GABRA6: variants seen among roughly 807,000 people sequenced by gnomAD.
The protein encoded by GABRA6 is gamma-aminobutyric acid type A receptor subunit alpha6, also known as gamma-aminobutyric acid receptor subunit alpha-6.
A neutral mutation model predicts 47.3 loss-of-function variants in GABRA6; 45 were observed. That is an observed-to-expected ratio of 0.95 (90% CI 0.75 to 1.22). The LOEUF (loss-of-function observed/expected upper bound fraction) is 1.22. Among genes scored for constraint, GABRA6 ranks in the 50% most tolerant of loss-of-function variants. The pLI, the probability that GABRA6 is intolerant of heterozygous loss-of-function variation, is 0.00. For synonymous variants in GABRA6, 219 were observed against 194.7 expected (o/e 1.12, Z -1.04); for missense variants, 583 against 549.3 (o/e 1.06, Z -0.61).
At chr5:161,692,298 G>A (rs771228314) in intron 8 of GABRA6, 98 bp downstream of exon 8, 2 of 1,432,876 alleles carry the variant, frequency 1.4e-6, no homozygotes, top group South Asian at 1.2e-5. Context: ...TGTGAGTTGA[G>A]CACAGGTTAT....
chr5:161,689,381 T>C, intron 5 of GABRA6, 45 bp downstream of exon 5: 2 of 1,483,334 alleles, frequency 1.3e-6, no homozygotes, highest in Non-Finnish European at 1.9e-6. Flanking sequence ...ACATCCAAAA[T>C]ATATAATTAC....
Position 161,689,274 on chromosome 5 carries a change from G to C in GABRA6, c.467G>C (p.Cys156Ser), listed in dbSNP as rs778216943. ...TCTAGGCTTACCATCAATGCTGACT[G>C]TCCCATGAGGCTGGTTAACTTTCCT... ...YTMRLTINADCPMRLVNFPMD... is the reference protein window; with the variant it reads ...YTMRLTINADSPMRLVNFPMD... The change falls in exon 5 of 9, where the codon TGT (cysteine) becomes TCT (serine). Residue 156 changes from cysteine to serine, a missense_variant. Coordinates refer to ENST00000274545, the MANE Select transcript of GABRA6 (RefSeq NM_000811.3). 1 of 1,614,030 alleles carries C rather than the reference G, an allele frequency of 6.2e-7. No homozygotes were observed. Among genetic ancestry groups the C allele is most frequent in the South Asian group, 1.1e-5 (1 of 91,080 alleles).
intron 8 of GABRA6, among the ~76,000 whole-genome samples, chr5:161,696,222 C>A (rs889879484): frequency 6.6e-6 from 1 of 152,124 alleles, no homozygotes; most frequent in South Asian, 2.1e-4. Context: ...AAGTTATATA[C>A]CCTTCCTGTG....
chr5:161,687,229 C>T, intron 3 of GABRA6: 1 of 565,008 alleles, frequency 1.8e-6, no homozygotes, highest in South Asian at 1.9e-5. Context: ...AAATTATGTC[C>T]TCTCTTCCAT....
chr5:161,685,913 T>C lies in GABRA6; in HGVS notation c.-77T>C. On this transcript the variant is annotated 5_prime_UTR_variant, in exon 1 of 9. Coordinates refer to ENST00000274545, the MANE Select transcript of GABRA6 (RefSeq NM_000811.3). ...TGAAGGGTTTGAAAGATTTCTCCAG[T>C]TGATTGGCAGAGAAGAGCTGGCTAG... The C allele has an allele frequency of 6.1e-6, 7 of 1,140,670 alleles. No homozygotes were observed. Among genetic ancestry groups the C allele is most frequent in the Non-Finnish European group, 9.4e-6 (7 of 746,628 alleles). 70.7% of individuals were successfully genotyped at this position (1,140,670 alleles called of 1,614,324 possible). A position where few individuals can be genotyped will look rare whatever the true frequency, so the allele number is the denominator to read the frequency against.
chr5:161,689,510 G>C (rs751584840), intron 5 of GABRA6, 126 bp from the exon 6 acceptor site: 5 of 1,100,700 alleles, frequency 4.5e-6, no homozygotes, highest in Admixed American at 4.1e-5. Flanking sequence ...TAGTCACCAA[G>C]ATTAAAGAAA....
intron 8 of GABRA6, among the ~76,000 whole-genome samples, chr5:161,693,192 G>C (rs1415358879): frequency 6.6e-6 from 1 of 152,074 alleles, no homozygotes; most frequent in Non-Finnish European, 1.5e-5. Flanking sequence ...AAGTTTTAAA[G>C]CGATTTGTTT....
At position 161,701,905 on chromosome 5, in the gene GABRA6, TTCC is replaced by T; in HGVS notation, c.*133_*135del. 1 of 996,850 alleles carries T rather than the reference TTCC, an allele frequency of 1.0e-6. No individual in the cohort carries two copies. The highest frequency in any genetic ancestry group is 2.5e-5 in the East Asian group (1 of 39,872). The allele number at this position is 996,850 out of a possible 1,614,324, so 61.8% of individuals were successfully genotyped here. ...TCAAATTGGAAATCTGTAACGCAGC[TTCC>T]GTAAGCATGTGTGGGCAAAAAAGCA... On this transcript the variant is annotated 3_prime_UTR_variant, in exon 9 of 9. Coordinates refer to ENST00000274545, the MANE Select transcript of GABRA6 (RefSeq NM_000811.3).
chr5:161,687,802 T>C (rs576451922), intron 3 of GABRA6, among the ~76,000 whole-genome samples: 12 of 151,064 alleles, frequency 7.9e-5, no homozygotes, highest in Non-Finnish European at 1.6e-4. Context: ...AAAGAAGATG[T>C]AAAGAAAGGA....
At position 161,691,922 on chromosome 5, in the gene GABRA6, C is replaced by G; in HGVS notation, c.827-19C>G. 1.2e-6 allele frequency: 2 copies of G among 1,609,792 alleles called. No individual in the cohort carries two copies. Among genetic ancestry groups the G allele is most frequent in the Non-Finnish European group, 1.7e-6 (2 of 1,176,472 alleles). On this transcript the variant is annotated intron_variant, in intron 7 of 8. Transcript: ENST00000274545. ...ATTCCCAGTACTAATATTACAATTC[C>G]TATTCTTTTTTATTTTAGGGATCAC...
At chr5:161,691,729 G>A (rs981046847) in intron 7 of GABRA6, among the ~76,000 whole-genome samples, 10 of 151,946 alleles carry the variant, frequency 6.6e-5, no homozygotes, top group Admixed American at 2.0e-4. Context: ...TTTTTGAGCA[G>A]TTATAATGTA....
chr5:161,697,531 G>C (rs962685466), intron 8 of GABRA6, among the ~76,000 whole-genome samples: 24 of 152,252 alleles, frequency 1.6e-4, no homozygotes, highest in African/African-American at 5.8e-4. Context: ...TGGGACACTT[G>C]TGACTCTAAG....
chr5:161,698,838 A>G (rs184006662), intron 8 of GABRA6, among the ~76,000 whole-genome samples: 21 of 152,266 alleles, frequency 1.4e-4, no homozygotes, highest in African/African-American at 4.3e-4. Context: ...GGCAAAAGGG[A>G]ATGCTAATGT....
chr5:161,693,669 T>C (rs1331621236), intron 8 of GABRA6, among the ~76,000 whole-genome samples: 1 of 139,956 alleles, frequency 7.1e-6, no homozygotes, highest in Non-Finnish European at 1.6e-5. Flanking sequence ...AAAAAAAAAA[T>C]TGCTCTGTGG....
At chr5:161,689,544 T>A in intron 5 of GABRA6, 92 bp from the exon 6 acceptor site, 1 of 1,216,902 alleles carries the variant, frequency 8.2e-7, no homozygotes, top group Non-Finnish European at 1.2e-6. Context: ...TCTATGTTTG[T>A]ATTTCCTTTT....
At chr5:161,692,222 CA>C (rs1561725624) in intron 8 of GABRA6, 22 bp downstream of exon 8, 1 of 1,614,034 alleles carries the variant, frequency 6.2e-7, no homozygotes, top group Admixed American at 1.7e-5. Flanking sequence ...CTTTTTCTAT[CA>C]TTACCTACCG....
intron 6 of GABRA6, 122 bp downstream of exon 6, chr5:161,689,901 G>A: frequency 2.0e-6 from 2 of 998,738 alleles, no homozygotes; most frequent in Non-Finnish European, 1.5e-6. Flanking sequence ...GTTTTGCAGT[G>A]ATGAGTAGCT....
In GABRA6 at chr5:161,686,973, C is replaced by A. The variant is rs2113065786; in HGVS notation, c.195C>A (p.Thr65=). ...AAGTCAAAACAGACATTTATGTGAC[C>A]AGTTTTGGGCCCGTGTCAGATGTGG... The part of the protein sequence containing the change: ...VTEVKTDIYV[T]SFGPVSDVEM... The change falls in exon 3 of 9, where the codon ACC becomes ACA. Residue 65 remains threonine, a synonymous_variant. Coordinates refer to ENST00000274545, the MANE Select transcript of GABRA6 (RefSeq NM_000811.3). 6.2e-7 allele frequency: 1 copy of A among 1,613,890 alleles called. No homozygotes were observed. Among genetic ancestry groups the A allele is most frequent in the South Asian group, 1.1e-5 (1 of 91,076 alleles).
intron 8 of GABRA6, among the ~76,000 whole-genome samples, chr5:161,698,349 G>T (rs2113085558): frequency 6.6e-6 from 1 of 152,216 alleles, no homozygotes; most frequent in African/African-American, 2.4e-5. Context: ...AGTGATGGTA[G>T]GTGTTAATGA....
Sources: gnomAD v4.1 joint callset for allele counts (sites outside exome capture counted in the v4.1 genomes callset) on GRCh38, gnomAD v4.1.1 for gene constraint, MANE v1.5 for transcripts, NCBI Gene and HGNC (gene_info 2026-07-23, HGNC 2026-07-21) for gene names.